MTA3: variants seen among roughly 807,000 people sequenced by gnomAD.
The protein encoded by MTA3 is metastasis associated 1 family member 3, also known as metastasis-associated protein MTA3.
MTA3 carries 34 observed loss-of-function variants against 83.5 expected under a neutral mutation model. The observed-to-expected ratio is 0.41, with a 90% CI of 0.31 to 0.54. MTA3 has a LOEUF of 0.54. Among genes scored for constraint, MTA3 ranks in the 20% least tolerant of loss-of-function variants. The pLI is 0.33. For missense variants in MTA3, 761 were observed against 726.4 expected (o/e 1.05, Z -0.55); for synonymous variants, 303 against 252.7 (o/e 1.20, Z -1.89).
At chr2:42,606,564 C>T (rs1163735067) in intron 3 of MTA3, among the ~76,000 whole-genome samples, 5 of 145,508 alleles carry the variant, frequency 3.4e-5, no homozygotes, top group East Asian at 2.1e-4. Context: ...GATGGGATGG[C>T]GGCCGGGCGG....
At chr2:42,592,262 A>AAAAAC (rs559938952) in intron 3 of MTA3, among the ~76,000 whole-genome samples, 7 of 152,066 alleles carry the variant, frequency 4.6e-5, no homozygotes, top group African/African-American at 1.4e-4. Flanking sequence ...ACTCTATCTC[A>AAAAAC]AAAACAAAAC....
intron 2 of MTA3, among the ~76,000 whole-genome samples, chr2:42,519,217 T>C (rs1353362849): frequency 7.2e-5 from 11 of 151,852 alleles, no homozygotes; most frequent in Admixed American, 7.2e-4. Flanking sequence ...CACAACCCAA[T>C]CTGATTATGA....
chr2:42,661,734 C>A (rs1014955032), intron 8 of MTA3, among the ~76,000 whole-genome samples: 1 of 151,792 alleles, frequency 6.6e-6, no homozygotes, highest in Non-Finnish European at 1.5e-5. Context: ...TTCTTTAAGC[C>A]CTTTTTTATG....
chr2:42,656,591 G>T (rs1689192309), intron 7 of MTA3, among the ~76,000 whole-genome samples: 1 of 152,104 alleles, frequency 6.6e-6, no homozygotes. Flanking sequence ...TTAATAAAAA[G>T]AGTCATCCTT....
At chr2:42,751,614 G>A (rs1483466979) in intron 16 of MTA3, among the ~76,000 whole-genome samples, 1 of 152,210 alleles carries the variant, frequency 6.6e-6, no homozygotes, top group African/African-American at 2.4e-5. Context: ...TGGCCAGGGT[G>A]GAGAAGGCAG....
chr2:42,554,810 G>A (rs1403355447), intron 2 of MTA3, among the ~76,000 whole-genome samples: 1 of 152,168 alleles, frequency 6.6e-6, no homozygotes, highest in Non-Finnish European at 1.5e-5. Context: ...ATTGGAACCT[G>A]TATCAGGTGG....
chr2:42,727,091 C>T (rs866548362), intron 16 of MTA3, among the ~76,000 whole-genome samples: 6 of 152,038 alleles, frequency 3.9e-5, no homozygotes, highest in East Asian at 1.9e-4. Flanking sequence ...AGCTACTTGG[C>T]GGGGGCTGAG....
intron 2 of MTA3, among the ~76,000 whole-genome samples, chr2:42,544,687 T>A (rs1216212687): frequency 6.6e-6 from 1 of 150,400 alleles, no homozygotes; most frequent in Admixed American, 6.6e-5. Context: ...TTGCCCAGCA[T>A]TTTTTTAAAA....
At chr2:42,556,563 C>T (rs142131918) in intron 2 of MTA3, among the ~76,000 whole-genome samples, 1 of 152,272 alleles carries the variant, frequency 6.6e-6, no homozygotes, top group Admixed American at 6.5e-5. Flanking sequence ...TGCCACTGGC[C>T]GGGAGTCACT....
intron 4 of MTA3, among the ~76,000 whole-genome samples, chr2:42,636,826 C>T (rs1687251699): frequency 1.3e-5 from 2 of 151,776 alleles, no homozygotes; most frequent in South Asian, 2.1e-4. Context: ...AGGGCTTCAC[C>T]GTATTGGCCA....
intron 3 of MTA3, 67 bp downstream of exon 3, chr2:42,579,267 A>G (rs1679358948): frequency 5.9e-6 from 7 of 1,186,372 alleles, no homozygotes; most frequent in Non-Finnish European, 8.3e-6. Flanking sequence ...AGGTGGAAAC[A>G]TGCTTTTTCT....
intron 2 of MTA3, among the ~76,000 whole-genome samples, chr2:42,540,120 T>C (rs932421218): frequency 4.7e-5 from 7 of 150,490 alleles, no homozygotes; most frequent in Non-Finnish European, 7.4e-5. Context: ...TTGAGTCAGG[T>C]GAAGGAGGTG....
chr2:42,625,935 C>CA (rs1686032389), intron 4 of MTA3, among the ~76,000 whole-genome samples: 1 of 140,926 alleles, frequency 7.1e-6, no homozygotes, highest in Non-Finnish European at 1.5e-5. Flanking sequence ...TTCAGTTATC[C>CA]TTTTTTTTTT....
chr2:42,594,728 A>ATATTTTTTTTTTTTTTTT, intron 3 of MTA3, among the ~76,000 whole-genome samples: 1 of 24,044 alleles, frequency 4.2e-5, no homozygotes, highest in African/African-American at 2.2e-4. Context: ...ATATATATAT[A>ATATTTTTTTTTTTTTTTT]TTTTTTTTTT....
chr2:42,535,815 T>C (rs547330904), intron 2 of MTA3, among the ~76,000 whole-genome samples: 1 of 151,958 alleles, frequency 6.6e-6, no homozygotes, highest in Non-Finnish European at 1.5e-5. Context: ...AGCATGAGCT[T>C]GGAGATAAAA....
At chr2:42,731,439 G>A (rs1397437690) in intron 16 of MTA3, among the ~76,000 whole-genome samples, 1 of 152,196 alleles carries the variant, frequency 6.6e-6, no homozygotes, top group Non-Finnish European at 1.5e-5. Flanking sequence ...TCAGAATCTG[G>A]TGGGAGGCCA....
chr2:42,671,388 A>T (rs751403511), intron 8 of MTA3, among the ~76,000 whole-genome samples: 16 of 151,458 alleles, frequency 1.1e-4, no homozygotes, highest in Non-Finnish European at 2.4e-4. Flanking sequence ...GTTTTGCCTG[A>T]GGTTTCTTTA....
chr2:42,655,250 A>G (rs988938065), intron 6 of MTA3, among the ~76,000 whole-genome samples: 6 of 152,214 alleles, frequency 3.9e-5, no homozygotes, highest in Non-Finnish European at 7.3e-5. Context: ...AAAAACATCT[A>G]TGTAGGATCT....
chr2:42,696,458 A>G (rs556326015), intron 10 of MTA3, among the ~76,000 whole-genome samples: 9 of 152,340 alleles, frequency 5.9e-5, no homozygotes, highest in African/African-American at 2.2e-4. Context: ...CTGAAATGAC[A>G]TCGGTCAATA....
Sources: allele counts gnomAD v4.1 joint callset (sites outside exome capture counted in the v4.1 genomes callset), GRCh38; gene constraint gnomAD v4.1.1; transcripts MANE v1.5; gene names NCBI Gene and HGNC (gene_info 2026-07-23, HGNC 2026-07-21).